The following ATG7 variants were observed in gnomAD, a reference collection of about 807,000 sequenced individuals.
ATG7 encodes the protein autophagy related 7.
A neutral mutation model predicts 82.4 loss-of-function variants in ATG7; 70 were observed. The observed-to-expected ratio is 0.85, with a 90% CI of 0.70 to 1.04. ATG7 has a LOEUF of 1.04. ATG7 is among the 50% of genes least tolerant of loss of function. The probability of loss-of-function intolerance (pLI) is 0.00; values close to 1 mark genes in which losing one functional copy is unlikely to be tolerated. For missense variants in ATG7, 792 were observed against 864.3 expected (o/e 0.92, Z 1.05); for synonymous variants, 287 against 313.0 (o/e 0.92, Z 0.88).
chr3:11,364,720 CT>C lies in ATG7; in HGVS notation c.1863del (p.Val622CysfsTer44). The C allele has an allele frequency of 6.2e-7, 1 of 1,614,140 alleles. No homozygotes were observed. Among genetic ancestry groups the C allele is most frequent in the Non-Finnish European group, 8.5e-7 (1 of 1,179,996 alleles). On this transcript the variant is annotated frameshift_variant, in exon 18 of 21. Transcript: ENST00000693202. LOFTEE classifies it high-confidence loss of function. ...GAATGAGCCTCCAACCTCTCTTGGGCTTGTGCCTCACCAGGTTAGTGATGTG... is the reference window on the plus strand; with the variant it reads ...GAATGAGCCTCCAACCTCTCTTGGGCTGTGCCTCACCAGGTTAGTGATGTG... ...RMNEPPTSLG[L>X]VPHQIRGFLS...
At chr3:11,488,737 A>G (rs996234115) in intron 20 of ATG7, among the ~76,000 whole-genome samples, 1 of 152,200 alleles carries the variant, frequency 6.6e-6, no homozygotes, top group African/African-American at 2.4e-5. Context: ...CCAGCCTTGC[A>G]TCCCAGGGAT....
chr3:11,549,211 A>G (rs2125054952), intron 20 of ATG7, among the ~76,000 whole-genome samples: 2 of 152,334 alleles, frequency 1.3e-5, no homozygotes, highest in South Asian at 4.1e-4. Context: ...CATATAAATG[A>G]AATATGAAGT....
chr3:11,533,016 G>A (rs2092721771), intron 20 of ATG7, among the ~76,000 whole-genome samples: 2 of 152,212 alleles, frequency 1.3e-5, no homozygotes, highest in Non-Finnish European at 2.9e-5. Flanking sequence ...GGGTGGCGAG[G>A]AGAAGCAAGC....
chr3:11,366,394 T>C lies in ATG7; in HGVS notation c.1875+1660T>C, dbSNP rs566676835. On this transcript the variant is annotated intron_variant, in intron 18 of 20. Coordinates refer to ENST00000693202, the MANE Select transcript of ATG7 (RefSeq NM_001349232.2). ...CCCCCTCTGTCCCCCACACACAAGG[T>C]GGCATTTTTTTTTGACATGCATGTG... 2.6e-5 allele frequency among the ~76,000 whole-genome samples: 4 copies of C among 152,072 alleles called. No homozygotes were observed. The South Asian group carries it at 8.3e-4, about 32-fold the overall frequency.
intron 14 of ATG7, among the ~76,000 whole-genome samples, chr3:11,354,574 G>A (rs1328581793): frequency 6.7e-6 from 1 of 148,186 alleles, no homozygotes; most frequent in Non-Finnish European, 1.5e-5. Context: ...GCTTGAACCC[G>A]GAAGTCAGAG....
intron 20 of ATG7, among the ~76,000 whole-genome samples, chr3:11,511,811 A>G (rs1380968446): frequency 2.0e-5 from 3 of 152,172 alleles, no homozygotes; most frequent in Non-Finnish European, 2.9e-5. Flanking sequence ...TGGGGTACTC[A>G]GTACACCCTC....
At chr3:11,418,024 G>A (rs1399503528) in intron 19 of ATG7, among the ~76,000 whole-genome samples, 2 of 151,046 alleles carry the variant, frequency 1.3e-5, no homozygotes, top group Non-Finnish European at 2.9e-5. Context: ...TGTTAGCCAG[G>A]ATGGTCTCGA....
chr3:11,568,753 G>C, the ATG7 span: 1 of 1,513,914 alleles, frequency 6.6e-7, no homozygotes, highest in South Asian at 1.3e-5. This position sits in a 1 kb window ranked among gnomAD's most constrained non-coding sequence, Gnocchi z 5.9. Context: ...ATCCTGCCCG[G>C]GAGATGGAAG....
At chr3:11,536,091 C>A (rs1039318285) in intron 20 of ATG7, among the ~76,000 whole-genome samples, 2 of 152,126 alleles carry the variant, frequency 1.3e-5, no homozygotes, top group Non-Finnish European at 2.9e-5. Flanking sequence ...AGGAGACCAC[C>A]CTCCCAGCCC....
chr3:11,308,101 C>T (rs1398659233), intron 6 of ATG7, among the ~76,000 whole-genome samples: 3 of 152,124 alleles, frequency 2.0e-5, no homozygotes, highest in African/African-American at 4.8e-5. Flanking sequence ...CTCGGCTTAC[C>T]GGAAACTGGG....
chr3:11,411,977 C>CT (rs34865634), intron 19 of ATG7, among the ~76,000 whole-genome samples: 77,308 of 147,644 alleles, frequency 0.52, 20,768 homozygotes, highest in East Asian at 0.68. Flanking sequence ...AAAGACTGTC[C>CT]TTTTTTTTTT....
At chr3:11,326,286 G>T (rs1265659856) in intron 9 of ATG7, among the ~76,000 whole-genome samples, 1 of 146,626 alleles carries the variant, frequency 6.8e-6, no homozygotes, top group Non-Finnish European at 1.5e-5. Context: ...TGTAAATGCT[G>T]TTTTTTTTTT....
At chr3:11,312,498 A>G (rs754945327) in intron 7 of ATG7, among the ~76,000 whole-genome samples, 2 of 152,168 alleles carry the variant, frequency 1.3e-5, no homozygotes, top group Non-Finnish European at 2.9e-5. Flanking sequence ...AACCTCTTCT[A>G]TTCACCCATC....
chr3:11,522,915 G>A (rs980550248), intron 20 of ATG7, among the ~76,000 whole-genome samples: 3 of 152,090 alleles, frequency 2.0e-5, no homozygotes, highest in African/African-American at 4.8e-5. Context: ...GTCCCAGCCC[G>A]CCACCTACCA....
intron 20 of ATG7, among the ~76,000 whole-genome samples, chr3:11,512,756 A>G (rs900182232): frequency 6.6e-6 from 1 of 152,232 alleles, no homozygotes; most frequent in African/African-American, 2.4e-5. Context: ...CAAAGCTTCC[A>G]TAGTGTGGAA....
chr3:11,523,767 T>A (rs1006142243), intron 20 of ATG7, among the ~76,000 whole-genome samples: 2 of 152,270 alleles, frequency 1.3e-5, no homozygotes, highest in Non-Finnish European at 2.9e-5. Context: ...GATCTCTGAT[T>A]ACGGCCAAAA....
chr3:11,541,066 A>AT (rs781248177), intron 20 of ATG7, among the ~76,000 whole-genome samples: 44 of 151,632 alleles, frequency 2.9e-4, no homozygotes, highest in African/African-American at 9.9e-4. Flanking sequence ...CACCTGGCTA[A>AT]TTTTTTTGTA....
intron 3 of ATG7, among the ~76,000 whole-genome samples, chr3:11,295,236 T>TTTTA (rs1945679598): frequency 6.6e-6 from 1 of 152,236 alleles, no homozygotes; most frequent in Non-Finnish European, 1.5e-5. Flanking sequence ...GGGACAGTGA[T>TTTTA]GTGTTGTCTT....
At chr3:11,286,548 T>G (rs6442243) in intron 3 of ATG7, among the ~76,000 whole-genome samples, 8,401 of 130,570 alleles carry the variant, frequency 0.064, 732 homozygotes, top group African/African-American at 0.21. Context: ...TTGTTTTGTG[T>G]TTTTTTTTTT....
Sources: allele counts gnomAD v4.1 joint callset (sites outside exome capture counted in the v4.1 genomes callset), GRCh38; gene constraint gnomAD v4.1.1; non-coding constraint Gnocchi (gnomAD v3.1); transcripts MANE v1.5; gene names NCBI Gene and HGNC (gene_info 2026-07-23, HGNC 2026-07-21).